DNM3: variants seen among roughly 807,000 people sequenced by gnomAD.
DNM3 encodes dynamin 3.
DNM3 carries 47 observed loss-of-function variants against 101.6 expected under a neutral mutation model. The ratio of observed to expected loss-of-function variants is 0.46; its 90% CI spans 0.37 to 0.59. DNM3 has a LOEUF of 0.59. Among genes scored for constraint, DNM3 ranks in the 20% least tolerant of loss-of-function variants. The pLI is 0.00. For synonymous variants in DNM3, 385 were observed against 387.9 expected (o/e 0.99, Z 0.09); for missense variants, 849 against 1,085.7 (o/e 0.78, Z 3.06).
At position 172,306,044 on chromosome 1, in the gene DNM3, A is replaced by G. The variant is rs140176919; in HGVS notation, c.1770-2684A>G. On this transcript the variant is annotated intron_variant, in intron 15 of 20. Coordinates refer to ENST00000627582, the MANE Select transcript of DNM3 (RefSeq NM_015569.5). ...AAGTTCTGGCCAGGGCAATCAGGCAAGAGAAAGAAATAAAGGGTATTCAGT... is the reference window on the plus strand; with the variant it reads ...AAGTTCTGGCCAGGGCAATCAGGCAGGAGAAAGAAATAAAGGGTATTCAGT... Among the ~76,000 whole-genome samples, 1,393 of 152,290 alleles carry G rather than the reference A, an allele frequency of 9.1e-3. 29 individuals carry two copies. The highest frequency in any genetic ancestry group is 0.032 in the African/African-American group (1,322 of 41,552).
chr1:171,894,626 T>C (rs1273047397), intron 1 of DNM3, among the ~76,000 whole-genome samples: 2 of 152,162 alleles, frequency 1.3e-5, no homozygotes, highest in Non-Finnish European at 2.9e-5. Context: ...AGGGTACATG[T>C]GCACAATGTG....
chr1:172,278,515 G>A (rs1191268444), intron 15 of DNM3, among the ~76,000 whole-genome samples: 2 of 152,148 alleles, frequency 1.3e-5, no homozygotes, highest in East Asian at 1.9e-4. Flanking sequence ...TCATGCAGCC[G>A]TGGGCCACAG....
At chr1:172,405,632 C>A (rs1157403387) in intron 20 of DNM3, among the ~76,000 whole-genome samples, 1 of 151,986 alleles carries the variant, frequency 6.6e-6, no homozygotes, top group Admixed American at 6.6e-5. Context: ...TTAATGAAAT[C>A]ACCTAATTAA....
intron 9 of DNM3, 104 bp downstream of exon 9, chr1:172,044,556 A>T: frequency 1.1e-6 from 1 of 907,744 alleles, no homozygotes; most frequent in South Asian, 1.8e-5. Flanking sequence ...AATAGGGTAG[A>T]ATACAGAGGT....
chr1:172,250,429 A>C (rs972433765), intron 14 of DNM3, among the ~76,000 whole-genome samples: 58 of 152,192 alleles, frequency 3.8e-4, no homozygotes, highest in Non-Finnish European at 7.5e-4. Flanking sequence ...TAAAGAGGTT[A>C]GTGGATTTTC....
chr1:172,219,538 G>A (rs1382508273), intron 14 of DNM3, among the ~76,000 whole-genome samples: 1 of 152,124 alleles, frequency 6.6e-6, no homozygotes, highest in Non-Finnish European at 1.5e-5. Flanking sequence ...CTAAGAGAGT[G>A]TACATCTAGG....
chr1:172,040,213 G>T (rs2049272656), intron 7 of DNM3, among the ~76,000 whole-genome samples: 1 of 152,126 alleles, frequency 6.6e-6, no homozygotes, highest in African/African-American at 2.4e-5. Flanking sequence ...ATGTTTCAGT[G>T]TGTATGTCAT....
At chr1:172,323,487 A>C (rs2065815619) in intron 17 of DNM3, 147 bp downstream of exon 17, 1 of 937,318 alleles carries the variant, frequency 1.1e-6, no homozygotes, top group East Asian at 2.7e-5. Flanking sequence ...AATTTGGGGG[A>C]AAATGTGCAT....
chr1:172,380,370 C>G (rs1346673583), intron 18 of DNM3, among the ~76,000 whole-genome samples: 1 of 151,942 alleles, frequency 6.6e-6, no homozygotes, highest in Admixed American at 6.6e-5. Context: ...TACGACAGTC[C>G]GTTCATTGTC....
chr1:172,048,538 A>G (rs2049978468), intron 9 of DNM3, 74 bp from the exon 10 acceptor site: 1 of 1,485,632 alleles, frequency 6.7e-7, no homozygotes, highest in Non-Finnish European at 9.0e-7. Flanking sequence ...TGTTAATTTA[A>G]ACATTTTTCA....
At chr1:172,406,782 A>G (rs1050020425) in intron 20 of DNM3, among the ~76,000 whole-genome samples, 1 of 152,158 alleles carries the variant, frequency 6.6e-6, no homozygotes, top group Non-Finnish European at 1.5e-5. Context: ...TTTGATCAAT[A>G]TAGAGTTTCT....
chr1:172,039,307 C>T (rs963744957), intron 7 of DNM3, among the ~76,000 whole-genome samples: 42 of 152,032 alleles, frequency 2.8e-4, no homozygotes, highest in Non-Finnish European at 5.7e-4. Flanking sequence ...TCCCCAGCAG[C>T]GTGGCAATCA....
intron 14 of DNM3, among the ~76,000 whole-genome samples, chr1:172,165,904 A>G (rs1266083578): frequency 1.3e-5 from 2 of 152,030 alleles, no homozygotes; most frequent in Non-Finnish European, 2.9e-5. Flanking sequence ...GAATCCCACA[A>G]ACTTTTATCA....
intron 2 of DNM3, among the ~76,000 whole-genome samples, chr1:171,951,417 T>C (rs2125455513): frequency 6.6e-6 from 1 of 152,350 alleles, no homozygotes; most frequent in East Asian, 1.9e-4. Context: ...TTTTGCATTA[T>C]GAAAGTTTCG....
At chr1:172,337,896 ATTTTATT>A (rs1216865275) in intron 17 of DNM3, among the ~76,000 whole-genome samples, 1 of 134,068 alleles carries the variant, frequency 7.5e-6, no homozygotes, top group African/African-American at 3.0e-5. Flanking sequence ...ATTTTATTTT[ATTTTATT>A]TTATTTTATT....
intron 14 of DNM3, among the ~76,000 whole-genome samples, chr1:172,233,376 T>G (rs2061413342): frequency 6.6e-6 from 1 of 151,990 alleles, no homozygotes; most frequent in Non-Finnish European, 1.5e-5. Flanking sequence ...AATAACAGGC[T>G]CTGAAATTGA....
rs1368368555 is a variant in DNM3, at chr1:172,410,634, A to G, written c.*2793A>G. 1 of 985,210 alleles carries G rather than the reference A, an allele frequency of 1.0e-6. No homozygotes were observed. The highest frequency in any genetic ancestry group is 1.2e-6 in the Non-Finnish European group (1 of 829,826). The allele number at this position is 985,210 out of a possible 1,614,324, so 61.0% of individuals were successfully genotyped here. ...TTGCATTTCTAAAAAACATCTACCA[A>G]GGTTACTCGTCTGAATATTGCTTTT... On this transcript the variant is annotated 3_prime_UTR_variant, in exon 21 of 21. Transcript: ENST00000627582.
chr1:172,265,264 G>A (rs1185480711), intron 15 of DNM3, among the ~76,000 whole-genome samples: 1 of 151,882 alleles, frequency 6.6e-6, no homozygotes, highest in Non-Finnish European at 1.5e-5. Flanking sequence ...AAAAAAAAAG[G>A]CTTCGGTGTC....
chr1:172,130,724 G>A (rs2056890566), intron 13 of DNM3, among the ~76,000 whole-genome samples: 1 of 152,144 alleles, frequency 6.6e-6, no homozygotes, highest in Non-Finnish European at 1.5e-5. Context: ...TTCGTCATTT[G>A]CTGGCAGGTC....
Sources: allele counts gnomAD v4.1 joint callset (sites outside exome capture counted in the v4.1 genomes callset), GRCh38; gene constraint gnomAD v4.1.1; transcripts MANE v1.5; gene names NCBI Gene and HGNC (gene_info 2026-07-23, HGNC 2026-07-21).